The following PFKP variants were observed in gnomAD, a reference collection of about 807,000 sequenced individuals.
PFKP encodes phosphofructokinase, platelet, also known as ATP-dependent 6-phosphofructokinase, platelet type.
Under a neutral mutation model 94.3 loss-of-function variants are expected in PFKP, and 101 were observed. That is an observed-to-expected ratio of 1.07 (90% CI 0.91 to 1.26). The LOEUF is 1.26. Ranked by LOEUF, PFKP falls within the 50% of genes most tolerant of loss-of-function variation. The probability of loss-of-function intolerance (pLI) is 0.00; values close to 1 mark genes in which losing one functional copy is unlikely to be tolerated. For missense variants in PFKP, 1,145 were observed against 1,103.3 expected, an observed-to-expected ratio of 1.04 and a Z score of -0.53; for synonymous variants, 573 against 432.6, an observed-to-expected ratio of 1.32 and a Z score of -4.03.
intron 15 of PFKP, among the ~76,000 whole-genome samples, chr10:3,119,617 CAAAAA>C (rs1837195319): frequency 9.2e-5 from 14 of 152,048 alleles, no homozygotes; most frequent in Admixed American, 3.9e-4. Flanking sequence ...AAAACAAAAA[CAAAAA>C]CAAAGTAAGA....
Position 3,108,763 on chromosome 10 carries a change from A to AG in PFKP, c.936dup (p.Thr313AspfsTer92). 1.9e-6 allele frequency: 3 copies of AG among 1,613,538 alleles called. No homozygotes were observed. Among genetic ancestry groups the AG allele is most frequent in the South Asian group, 2.2e-5 (2 of 91,054 alleles). ...CCATCCTCGGGCACGTGCAGAGAGG[A>AG]GGGACCCCTTCGGCATTCGACAGGA... On this transcript the variant is annotated frameshift_variant, in exon 9 of 22. Coordinates refer to ENST00000381125, the MANE Select transcript of PFKP (RefSeq NM_002627.5). LOFTEE classifies it high-confidence loss of function.
At chr10:3,134,443 C>G in intron 19 of PFKP, 40 bp from the exon 20 acceptor site, 2 of 1,084,722 alleles carry the variant, frequency 1.8e-6, no homozygotes, top group Non-Finnish European at 2.8e-6. Flanking sequence ...CAAAGTGTTA[C>G]TGTATAACTG....
intron 1 of PFKP, among the ~76,000 whole-genome samples, chr10:3,080,571 T>C (rs1355091337): frequency 3.4e-5 from 5 of 147,390 alleles, no homozygotes; most frequent in South Asian, 4.3e-4. Context: ...GGAAAACATC[T>C]CGGACGTAGT....
intron 6 of PFKP, 57 bp downstream of exon 6, chr10:3,105,216 A>C: frequency 6.6e-7 from 1 of 1,522,988 alleles, no homozygotes; most frequent in Non-Finnish European, 9.1e-7. Flanking sequence ...CCTCAGCATC[A>C]TCTCCCTGAG....
chr10:3,115,900 C>G (rs1836789037), intron 13 of PFKP, among the ~76,000 whole-genome samples: 1 of 152,126 alleles, frequency 6.6e-6, no homozygotes, highest in Non-Finnish European at 1.5e-5. Context: ...ACAGATGATC[C>G]ACCTTCCACC....
chr10:3,077,325 A>G (rs1314142582), intron 1 of PFKP, among the ~76,000 whole-genome samples: 1 of 130,158 alleles, frequency 7.7e-6, no homozygotes, highest in African/African-American at 2.9e-5. Flanking sequence ...GTAGTGGCGC[A>G]ATCTCGGCTC....
chr10:3,099,404 G>C (rs757170120), intron 3 of PFKP, 52 bp downstream of exon 3: 1 of 1,391,154 alleles, frequency 7.2e-7, no homozygotes, highest in African/African-American at 1.4e-5. Flanking sequence ...ACTCTTTTAT[G>C]TCTAGTAAAT....
At chr10:3,112,007 C>G (rs1158224061) in intron 10 of PFKP, among the ~76,000 whole-genome samples, 1 of 152,206 alleles carries the variant, frequency 6.6e-6, no homozygotes, top group African/African-American at 2.4e-5. Flanking sequence ...TCCCAGGGCT[C>G]TGACCTCACA....
intron 1 of PFKP, among the ~76,000 whole-genome samples, chr10:3,074,525 C>G (rs1221509904): frequency 6.6e-6 from 1 of 152,094 alleles, no homozygotes; most frequent in African/African-American, 2.4e-5. Flanking sequence ...TAGGGTATCA[C>G]AAGGAGCAGG....
At chr10:3,135,282 T>A (rs1267496400) in intron 20 of PFKP, among the ~76,000 whole-genome samples, 1 of 152,016 alleles carries the variant, frequency 6.6e-6, no homozygotes, top group Non-Finnish European at 1.5e-5. Context: ...CTTAGAAAAA[T>A]GACAGTCTAT....
chr10:3,113,629 C>T (rs1038833993), intron 13 of PFKP, 111 bp downstream of exon 13: 33 of 928,698 alleles, frequency 3.6e-5, no homozygotes, highest in East Asian at 2.1e-4. Flanking sequence ...TGCCTCAGTC[C>T]GGGATCCTGT....
chr10:3,080,965 T>C (rs984191736), intron 1 of PFKP, among the ~76,000 whole-genome samples: 1 of 152,140 alleles, frequency 6.6e-6, no homozygotes, highest in Non-Finnish European at 1.5e-5. Context: ...CAGGGTGAGA[T>C]GACCTGCATT....
chr10:3,132,154 GC>G (rs975823519), intron 17 of PFKP, among the ~76,000 whole-genome samples: 2 of 152,134 alleles, frequency 1.3e-5, no homozygotes, highest in Non-Finnish European at 2.9e-5. Flanking sequence ...GTTGCTAGTG[GC>G]CGCCGTGAGG....
intron 13 of PFKP, 34 bp downstream of exon 13, chr10:3,113,552 A>G: frequency 6.2e-7 from 1 of 1,601,592 alleles, no homozygotes; most frequent in East Asian, 2.2e-5. Flanking sequence ...GCAGGCAGAC[A>G]CCCTGGCTGT....
chr10:3,070,417 T>C (rs1832094326), intron 1 of PFKP: 2 of 152,236 alleles, frequency 1.3e-5, no homozygotes, highest in African/African-American at 4.8e-5. Context: ...TAGAAGACTA[T>C]TGCTTGTAGC....
Position 3,108,762 on chromosome 10 carries a change from G to A in PFKP, c.932G>A (p.Gly311Glu). Reference sequence around the variant, plus strand: ...ACCATCCTCGGGCACGTGCAGAGAGGAGGGACCCCTTCGGCATTCGACAGG... The same window carrying A: ...ACCATCCTCGGGCACGTGCAGAGAGAAGGGACCCCTTCGGCATTCGACAGG... ...RVTILGHVQRGGTPSAFDRIL... is the reference protein window; with the variant it reads ...RVTILGHVQREGTPSAFDRIL... The change falls in exon 9 of 22, where the codon GGA becomes GAA. Residue 311 changes from glycine (G) to glutamate (E), a missense_variant. Transcript: ENST00000381125. The A allele has an allele frequency of 6.2e-7, 1 of 1,613,820 alleles. No homozygotes were observed. The highest frequency in any genetic ancestry group is 8.5e-7 in the Non-Finnish European group (1 of 1,179,762).
At chr10:3,119,388 C>G (rs1031225623) in intron 15 of PFKP, among the ~76,000 whole-genome samples, 8 of 152,118 alleles carry the variant, frequency 5.3e-5, no homozygotes, top group Non-Finnish European at 1.2e-4. Context: ...GGCAGATCAC[C>G]TGAGGTCAGG....
At position 3,101,384 on chromosome 10, in the gene PFKP, G is replaced by A; in HGVS notation, c.284G>A (p.Ser95Asn). ...ILQVGGTIIG[S>N]ARCQAFRTRE... ...TCCCAGGGCGGGACGATCATTGGCA[G>A]TGCGCGGTGCCAGGCCTTCCGCACG... Residue 95 changes from serine (S) to asparagine (N), a missense_variant, in exon 4 of 22, where the codon AGT becomes AAT. Transcript: ENST00000381125. The A allele has an allele frequency of 6.3e-7, 1 of 1,593,634 alleles. No homozygotes were observed. The highest frequency in any genetic ancestry group is 8.5e-7 in the Non-Finnish European group (1 of 1,170,306).
intron 9 of PFKP, 65 bp from the exon 10 acceptor site, chr10:3,109,290 T>C (rs772417156): frequency 1.9e-6 from 3 of 1,595,514 alleles, no homozygotes; most frequent in Non-Finnish European, 2.6e-6. Flanking sequence ...CATGGAAAGA[T>C]AGGAGGTGAC....
Sources: gnomAD v4.1 joint callset for allele counts (sites outside exome capture counted in the v4.1 genomes callset) on GRCh38, gnomAD v4.1.1 for gene constraint, MANE v1.5 for transcripts, NCBI Gene and HGNC (gene_info 2026-07-23, HGNC 2026-07-21) for gene names.